Variants in SH3TC1 observed in about 807,000 individuals in gnomAD.
SH3TC1 encodes SH3 domain and tetratricopeptide repeats 1.
SH3TC1 carries 135 observed loss-of-function variants against 117.3 expected under a neutral mutation model. The ratio of observed to expected loss-of-function variants is 1.15; its 90% confidence interval spans 1.00 to 1.33. The LOEUF is 1.33. SH3TC1 is among the 40% of genes most tolerant of loss of function. The probability of loss-of-function intolerance (pLI) is 0.00; values close to 1 mark genes in which losing one functional copy is unlikely to be tolerated. For synonymous variants in SH3TC1, 898 were observed against 816.9 expected (o/e 1.10, Z -1.69); for missense variants, 2,092 against 1,794.3 (o/e 1.17, Z -3.00).
intron 10 of SH3TC1, among the ~76,000 whole-genome samples, chr4:8,224,105 A>G (rs1720226161): frequency 6.6e-6 from 1 of 152,308 alleles, no homozygotes; most frequent in East Asian, 1.9e-4. Flanking sequence ...AGGTGTATAC[A>G]CACATACACA....
intron 1 of SH3TC1, among the ~76,000 whole-genome samples, chr4:8,182,718 G>C (rs1007874623): frequency 5.9e-5 from 9 of 152,230 alleles, no homozygotes; most frequent in African/African-American, 1.9e-4. Flanking sequence ...GATGGAAACA[G>C]TGCAATGCTG....
In SH3TC1 at chr4:8,240,738, C is replaced by T. The variant is rs202196043; in HGVS notation, c.3794C>T (p.Ala1265Val). The change falls in exon 18 of 18, where the codon GCA becomes GTA. Residue 1265 changes from alanine to valine, a missense_variant. Coordinates refer to ENST00000245105, the MANE Select transcript of SH3TC1 (RefSeq NM_018986.5). ...GCCGGGTACTACCAGCTGGCGCTGGCAGCCGCCGTGGACCTGGGCAACAAG... is the reference window on the plus strand; with the variant it reads ...GCCGGGTACTACCAGCTGGCGCTGGTAGCCGCCGTGGACCTGGGCAACAAG... Reference protein sequence around the residue: ...DAAGYYQLALAAAVDLGNKKA... With the variant: ...DAAGYYQLALVAAVDLGNKKA... 1.2e-4 allele frequency: 196 copies of T among 1,613,804 alleles called. No homozygotes were observed. The highest frequency in any genetic ancestry group is 3.3e-4 in the Middle Eastern group (2 of 6,060).
At position 8,190,250 on chromosome 4, in the gene SH3TC1, C is replaced by A. The variant is rs375502793; in HGVS notation, c.-57+8040C>A. Among the ~76,000 whole-genome samples, 3 of 152,152 alleles carry A rather than the reference C, an allele frequency of 2.0e-5. No homozygotes were observed. The highest frequency in any genetic ancestry group is 4.4e-5 in the Non-Finnish European group (3 of 68,020). ...GACCTCAGCCTCGGAGCCTCGAGCT[C>A]CCAGGAGATGGCTCCCAGCTGGGAG... On this transcript the variant is annotated intron_variant, in intron 1 of 16. Coordinates refer to the SH3TC1 transcript ENST00000508641. This position sits in a 1 kb window ranked among gnomAD's most constrained non-coding sequence, Gnocchi z 4.7.
Position 8,183,381 on chromosome 4 carries a change from G to A in SH3TC1, c.-57+1171G>A, listed in dbSNP as rs983303637. 2.0e-5 allele frequency among the ~76,000 whole-genome samples: 3 copies of A among 152,142 alleles called. No individual in the cohort carries two copies. The highest frequency in any genetic ancestry group is 4.4e-5 in the Non-Finnish European group (3 of 68,008). On this transcript the variant is annotated intron_variant, in intron 1 of 16. Coordinates refer to the SH3TC1 transcript ENST00000508641. This position sits in a 1 kb window ranked among gnomAD's most constrained non-coding sequence, Gnocchi z 5.4. ...GCTGTGGGAACAATGACCAGAAACCGGCCCTGCCCCACGCATCTCTGTGAT... is the reference window on the plus strand; with the variant it reads ...GCTGTGGGAACAATGACCAGAAACCAGCCCTGCCCCACGCATCTCTGTGAT...
In SH3TC1 at chr4:8,209,401, G is replaced by A. The variant is rs757162291; in HGVS notation, c.173-347G>A. Among the ~76,000 whole-genome samples, 10 of 152,204 alleles carry A rather than the reference G, an allele frequency of 6.6e-5. No homozygotes were observed. The highest frequency in any genetic ancestry group is 1.2e-4 in the Non-Finnish European group (8 of 68,038). On this transcript the variant is annotated intron_variant, in intron 2 of 17. Transcript: ENST00000245105. The surrounding 1 kb of genome is among the most constrained non-coding windows in gnomAD (Gnocchi z 5.9). ...GGGACGTGTGCGGCCTCTTGAAGGC[G>A]AGGAGTGGATTCTCCCCAGAGCCCC...
chr4:8,188,301 G>A (rs923328014), intron 1 of SH3TC1, among the ~76,000 whole-genome samples: 2 of 152,212 alleles, frequency 1.3e-5, no homozygotes, highest in Non-Finnish European at 2.9e-5. Flanking sequence ...GAGGGCAGTA[G>A]GCATCTGACT....
At chr4:8,224,044 T>TACAC (rs765956536) in intron 10 of SH3TC1, among the ~76,000 whole-genome samples, 2 of 62,628 alleles carry the variant, frequency 3.2e-5, no homozygotes, top group South Asian at 8.9e-4. Flanking sequence ...CTCACAAGTA[T>TACAC]ACACACACAC....
chr4:8,225,340 G>C lies in SH3TC1; in HGVS notation c.1285+124G>C, dbSNP rs1720363281. 2 of 1,127,028 alleles carry C rather than the reference G, an allele frequency of 1.8e-6. No homozygotes were observed. The highest frequency in any genetic ancestry group is 5.2e-5 in the East Asian group (2 of 38,228). The allele number at this position is 1,127,028 out of a possible 1,614,324, so 69.8% of individuals were successfully genotyped here. On this transcript the variant is annotated intron_variant, in intron 11 of 17. Coordinates refer to ENST00000245105, the MANE Select transcript of SH3TC1 (RefSeq NM_018986.5). This position sits in a 1 kb window ranked among gnomAD's most constrained non-coding sequence, Gnocchi z 5.5. ...GCGGCTGTCACCCCTCTGTGGTGTG[G>C]GCTGGGGGCTTGGGGGAGGTTGCCT...
At chr4:8,197,903 A>G (rs909719281), upstream of SH3TC1, among the ~76,000 whole-genome samples, 5 of 152,122 alleles carry the variant, frequency 3.3e-5, no homozygotes, top group African/African-American at 1.2e-4. Context: ...GAGGGCGAGG[A>G]TGAAGGACGC....
intron 2 of SH3TC1, among the ~76,000 whole-genome samples, chr4:8,208,052 A>G (rs912164704): frequency 1.3e-5 from 2 of 152,194 alleles, no homozygotes; most frequent in Non-Finnish European, 2.9e-5. Flanking sequence ...CATGCAGTTG[A>G]TGTAGCATTT....
At chr4:8,204,265 C>T (rs182507564) in intron 1 of SH3TC1, among the ~76,000 whole-genome samples, 3 of 152,230 alleles carry the variant, frequency 2.0e-5, no homozygotes, top group Non-Finnish European at 2.9e-5. Context: ...TCTTGCTGGG[C>T]GGGGAGATGG....
chr4:8,233,206 C>T lies in SH3TC1; in HGVS notation c.3132-157C>T, dbSNP rs568545364. The T allele has an allele frequency of 7.8e-6, 11 of 1,413,464 alleles. No individual in the cohort carries two copies. The Admixed American group carries it at 2.2e-4, about 28-fold the overall frequency. The allele number at this position is 1,413,464 out of a possible 1,614,324, so 87.6% of individuals were successfully genotyped here. On this transcript the variant is annotated intron_variant, in intron 13 of 17. Transcript: ENST00000245105. ...TTTCCTTGCCGTGTGTGTTCAACCC[C>T]ACCCTCTCAGCAGCCCGGGAAGGGC...
At chr4:8,234,017 CCAT>C (rs1359688497) in intron 14 of SH3TC1, among the ~76,000 whole-genome samples, 2 of 146,472 alleles carry the variant, frequency 1.4e-5, no homozygotes, top group African/African-American at 5.3e-5. Flanking sequence ...ATTTATCCAT[CCAT>C]CATCCATCCA....
Position 8,192,916 on chromosome 4 carries a change from CG to C in SH3TC1, c.-57+10710del, listed in dbSNP as rs1205921486. Reference sequence around the variant, plus strand: ...GCATGACCAGGGTGGAGCAGTGAAGCGGGGCCTGACGTGATGTACCATGTTT... The same window carrying C: ...GCATGACCAGGGTGGAGCAGTGAAGCGGGCCTGACGTGATGTACCATGTTT... On this transcript the variant is annotated intron_variant, in intron 1 of 16. Transcript: ENST00000508641. The surrounding 1 kb of genome is among the most constrained non-coding windows in gnomAD (Gnocchi z 4.1). 6.6e-6 allele frequency among the ~76,000 whole-genome samples: 1 copy of C among 152,214 alleles called. No individual in the cohort carries two copies. Among genetic ancestry groups the C allele is most frequent in the Non-Finnish European group, 1.5e-5 (1 of 68,046 alleles).
Position 8,190,073 on chromosome 4 carries a change from G to C in SH3TC1, c.-57+7863G>C, listed in dbSNP as rs527316794. On this transcript the variant is annotated intron_variant, in intron 1 of 16. Transcript: ENST00000508641. This position sits in a 1 kb window ranked among gnomAD's most constrained non-coding sequence, Gnocchi z 4.7. ...GAGGCCAGGAAGTAGGGCCTGGAAA[G>C]TAGCACTTGAGGTTTTGCTGGGAGG... Among the ~76,000 whole-genome samples the C allele has an allele frequency of 2.0e-5, 3 of 152,222 alleles. No individual in the cohort carries two copies. The highest frequency in any genetic ancestry group is 4.4e-5 in the Non-Finnish European group (3 of 68,028).
At chr4:8,223,715 C>T (rs1268403431) in intron 10 of SH3TC1, among the ~76,000 whole-genome samples, 3 of 151,728 alleles carry the variant, frequency 2.0e-5, no homozygotes, top group African/African-American at 4.9e-5. Context: ...TCACTGCAAC[C>T]TCTGCCTCCC....
At chr4:8,216,403 G>C in intron 6 of SH3TC1, 146 bp downstream of exon 6, 1 of 1,288,060 alleles carries the variant, frequency 7.8e-7, no homozygotes. Context: ...CTTCAGGCAG[G>C]GAGGTGTGCT....
rs543481439 is a variant in SH3TC1 at position 8,224,619 on chromosome 4, C to T, written c.1244-556C>T. The T allele has an allele frequency of 1.6e-3, 240 of 153,378 alleles. 3 individuals carry two copies. The highest frequency in any genetic ancestry group is 1.3e-3 in the East Asian group (7 of 5,216). 9.5% of individuals were successfully genotyped at this position (153,378 alleles called of 1,614,324 possible). ...ACAGCTATTTCTCACTTGACCTCCA[C>T]GGAAACCCAGTAAGCAGTTAGTGTC... On this transcript the variant is annotated intron_variant, in intron 10 of 17. Transcript: ENST00000245105.
At position 8,205,926 on chromosome 4, in the gene SH3TC1, C is replaced by G; in HGVS notation, c.172+560C>G. Reference sequence around the variant, plus strand: ...GGGACGAGGGGAGAGGCAGGGGAGACCAAGGCCTGCACGGCCCCTCCCGGC... The same window carrying G: ...GGGACGAGGGGAGAGGCAGGGGAGAGCAAGGCCTGCACGGCCCCTCCCGGC... On this transcript the variant is annotated intron_variant, in intron 2 of 17. Coordinates refer to ENST00000245105, the MANE Select transcript of SH3TC1 (RefSeq NM_018986.5). The surrounding 1 kb of genome is among the most constrained non-coding windows in gnomAD (Gnocchi z 5.4). 2.0e-6 allele frequency: 1 copy of G among 498,128 alleles called. No individual in the cohort carries two copies. Among genetic ancestry groups the G allele is most frequent in the Non-Finnish European group, 3.6e-6 (1 of 279,050 alleles). 30.9% of individuals were successfully genotyped at this position (498,128 alleles called of 1,614,324 possible).
Sources: gnomAD v4.1 joint callset for allele counts (sites outside exome capture counted in the v4.1 genomes callset) on GRCh38, gnomAD v4.1.1 for gene constraint, Gnocchi (gnomAD v3.1) non-coding constraint, MANE v1.5 for transcripts, NCBI Gene and HGNC (gene_info 2026-07-23, HGNC 2026-07-21) for gene names.